Variants in AHCYL2 observed in about 807,000 individuals in gnomAD.
AHCYL2 encodes the protein S-adenosylhomocysteine hydrolase-like protein 2.
In AHCYL2, 28 loss-of-function variants were observed where a neutral mutation model predicts 81.4. The observed-to-expected ratio is 0.34, with a 90% CI of 0.25 to 0.47. The LOEUF (loss-of-function observed/expected upper bound fraction) is 0.47. Ranked by LOEUF, AHCYL2 falls within the 20% of genes least tolerant of loss-of-function variation. The pLI is 1.00. For missense variants in AHCYL2, 551 were observed against 785.1 expected (o/e 0.70, Z 3.56); for synonymous variants, 272 against 290.2 (o/e 0.94, Z 0.64).
intron 1 of AHCYL2, among the ~76,000 whole-genome samples, chr7:129,247,475 A>G (rs977653486): frequency 6.6e-6 from 1 of 152,166 alleles, no homozygotes; most frequent in Non-Finnish European, 1.5e-5. Flanking sequence ...GATTTTTCAG[A>G]TATGTGATTT....
chr7:129,257,673 G>A (rs1212729034), intron 1 of AHCYL2, among the ~76,000 whole-genome samples: 1 of 152,110 alleles, frequency 6.6e-6, no homozygotes, highest in African/African-American at 2.4e-5. Context: ...GGTTCATAAG[G>A]GGTCATTCAT....
At chr7:129,239,588 C>T (rs1005010402) in intron 1 of AHCYL2, among the ~76,000 whole-genome samples, 1 of 152,074 alleles carries the variant, frequency 6.6e-6, no homozygotes, top group Non-Finnish European at 1.5e-5. Context: ...CTTGGGATTA[C>T]AGGCCCAAGC....
chr7:129,302,046 T>C (rs1797275383), intron 1 of AHCYL2, among the ~76,000 whole-genome samples: 1 of 152,164 alleles, frequency 6.6e-6, no homozygotes, highest in African/African-American at 2.4e-5. Context: ...GGGGTATTCT[T>C]TTCAATGTCT....
intron 1 of AHCYL2, among the ~76,000 whole-genome samples, chr7:129,358,409 A>AC (rs1793818718): frequency 6.6e-6 from 1 of 152,178 alleles, no homozygotes; most frequent in Admixed American, 6.5e-5. Flanking sequence ...CACAAAAAAA[A>AC]AAACAAAAAG....
At chr7:129,360,536 G>A (rs888481695) in intron 1 of AHCYL2, among the ~76,000 whole-genome samples, 19 of 152,232 alleles carry the variant, frequency 1.2e-4, no homozygotes, top group African/African-American at 4.3e-4. Flanking sequence ...TGCAGTACCA[G>A]TGTGGAAAGA....
At chr7:129,412,139 A>G (rs1796611053) in intron 11 of AHCYL2, among the ~76,000 whole-genome samples, 1 of 151,738 alleles carries the variant, frequency 6.6e-6, no homozygotes, top group Non-Finnish European at 1.5e-5. Context: ...ACTTGAGCCC[A>G]GGAGTTCAGA....
intron 5 of AHCYL2, among the ~76,000 whole-genome samples, chr7:129,397,976 C>T (rs1400468768): frequency 6.6e-6 from 1 of 152,082 alleles, no homozygotes; most frequent in Admixed American, 6.5e-5. Context: ...TAAATGTGTA[C>T]CCCAGTGAAT....
chr7:129,346,580 A>G lies in AHCYL2; in HGVS notation c.364-33058A>G, dbSNP rs146449435. 4.8e-3 allele frequency among the ~76,000 whole-genome samples: 734 copies of G among 152,296 alleles called. 8 individuals carry two copies. Among genetic ancestry groups the G allele is most frequent in the African/African-American group, 0.017 (702 of 41,568 alleles). On this transcript the variant is annotated intron_variant, in intron 1 of 16. Coordinates refer to ENST00000325006, the MANE Select transcript of AHCYL2 (RefSeq NM_015328.4). Reference sequence around the variant, plus strand: ...GGAAGTGCAAATTAAAATCATTTGAAATACCACTACTCATCTATTAAAATG... The same window carrying G: ...GGAAGTGCAAATTAAAATCATTTGAGATACCACTACTCATCTATTAAAATG...
At chr7:129,289,531 TC>T (rs1233397695) in intron 1 of AHCYL2, among the ~76,000 whole-genome samples, 2 of 152,220 alleles carry the variant, frequency 1.3e-5, no homozygotes, top group African/African-American at 4.8e-5. Flanking sequence ...AAGAGAAACC[TC>T]CCCTTTTCTA....
intron 4 of AHCYL2, among the ~76,000 whole-genome samples, chr7:129,395,045 A>G (rs1341364092): frequency 6.6e-6 from 1 of 150,618 alleles, no homozygotes; most frequent in Non-Finnish European, 1.5e-5. Context: ...TTTTTAATTG[A>G]GTGGTAGTAT....
intron 1 of AHCYL2, among the ~76,000 whole-genome samples, chr7:129,246,662 A>G (rs13241894): frequency 0.025 from 3,771 of 151,874 alleles, 78 homozygotes; most frequent in Admixed American, 0.057. Flanking sequence ...GTGGCTGGCT[A>G]ATTTTTGTAT....
chr7:129,278,763 CTTTTTT>C (rs36037913), intron 1 of AHCYL2, among the ~76,000 whole-genome samples: 3 of 111,380 alleles, frequency 2.7e-5, no homozygotes, highest in Non-Finnish European at 5.4e-5. Context: ...TATTGAAGCT[CTTTTTT>C]TTTTTTTTTT....
chr7:129,366,443 G>C (rs1794119071), intron 1 of AHCYL2, among the ~76,000 whole-genome samples: 1 of 152,126 alleles, frequency 6.6e-6, no homozygotes, highest in South Asian at 2.1e-4. Context: ...GATGAACTGT[G>C]AACCCCAAAC....
At chr7:129,263,934 T>C (rs182925985) in intron 1 of AHCYL2, among the ~76,000 whole-genome samples, 9 of 152,352 alleles carry the variant, frequency 5.9e-5, no homozygotes, top group Admixed American at 4.6e-4. Flanking sequence ...AAGAGAGTTA[T>C]GTCCAGGTAA....
intron 1 of AHCYL2, among the ~76,000 whole-genome samples, chr7:129,237,815 TC>T (rs1395383512): frequency 6.6e-6 from 1 of 152,060 alleles, no homozygotes; most frequent in East Asian, 1.9e-4. Flanking sequence ...AACCTCCATC[TC>T]CCGGGTTCAA....
rs141705758 is a variant in AHCYL2 at position 129,403,474 on chromosome 7, T to G, written c.1014T>G (p.Thr338=). The G allele has an allele frequency of 5.0e-6, 8 of 1,605,024 alleles. No individual in the cohort carries two copies. In the African/African-American group the frequency reaches 9.4e-5, roughly 19 times the overall value. Residue 338 remains threonine (T), a synonymous_variant, in exon 7 of 17, where the codon ACT becomes ACG. Coordinates refer to ENST00000325006, the MANE Select transcript of AHCYL2 (RefSeq NM_015328.4). ...AGGGCATAGTAGAGGAGAGTGTTAC[T>G]GGAGTTCACAGGTAAGATTTGACAT... ...KIKGIVEESV[T]GVHRLYQLSK... is the part of the protein sequence containing the mutation.
At chr7:129,367,027 G>C (rs1035379561) in intron 1 of AHCYL2, among the ~76,000 whole-genome samples, 91 of 152,284 alleles carry the variant, frequency 6.0e-4, no homozygotes, top group Non-Finnish European at 2.2e-4. Flanking sequence ...GAGACAAATG[G>C]TTGCATTCTT....
At chr7:129,292,480 G>A (rs1431293912) in intron 1 of AHCYL2, among the ~76,000 whole-genome samples, 1 of 152,082 alleles carries the variant, frequency 6.6e-6, no homozygotes, top group Non-Finnish European at 1.5e-5. Flanking sequence ...TGAAAATGAT[G>A]TTAAGGCTGG....
At chr7:129,303,994 C>CGT (rs1334263829) in intron 1 of AHCYL2, among the ~76,000 whole-genome samples, 1 of 151,906 alleles carries the variant, frequency 6.6e-6, no homozygotes, top group Non-Finnish European at 1.5e-5. Context: ...GGCTGAGGCG[C>CGT]AAGACTCACT....
Sources: allele counts gnomAD v4.1 joint callset (sites outside exome capture counted in the v4.1 genomes callset), GRCh38; gene constraint gnomAD v4.1.1; transcripts MANE v1.5; gene names NCBI Gene and HGNC (gene_info 2026-07-23, HGNC 2026-07-21).